The following APP variants were observed in gnomAD, a reference collection of about 807,000 sequenced individuals.
The protein encoded by APP is amyloid beta precursor protein.
Under a neutral mutation model 101.4 loss-of-function variants are expected in APP, and 31 were observed. That is an observed-to-expected ratio of 0.31 (90% CI 0.23 to 0.41). The LOEUF (loss-of-function observed/expected upper bound fraction) is 0.41. Among genes scored for constraint, APP ranks in the 10% least tolerant of loss-of-function variants. The probability of loss-of-function intolerance (pLI) is 1.00; values close to 1 mark genes in which losing one functional copy is unlikely to be tolerated. For missense variants in APP, 839 were observed against 1,003.7 expected, an observed-to-expected ratio of 0.84 and a Z score of 2.22; for synonymous variants, 366 against 364.4, an observed-to-expected ratio of 1.00 and a Z score of -0.05.
chr21:25,920,459 C>G (rs1218104621), intron 13 of APP, among the ~76,000 whole-genome samples: 2 of 152,220 alleles, frequency 1.3e-5, no homozygotes, highest in East Asian at 3.9e-4. Flanking sequence ...CAAGACCCAT[C>G]AGTGTGCTGT....
intron 5 of APP, among the ~76,000 whole-genome samples, chr21:26,043,831 G>GGT (rs11429340): frequency 2.5e-3 from 1 of 404 alleles, no homozygotes; most frequent in African/African-American, 0.012. Flanking sequence ...CTACTTGTGG[G>GGT]CTGATATTCT....
chr21:25,973,702 G>C (rs2042118296), intron 11 of APP, among the ~76,000 whole-genome samples: 1 of 152,078 alleles, frequency 6.6e-6, no homozygotes, highest in Non-Finnish European at 1.5e-5. Context: ...CAGCACTGTG[G>C]GAGGCCGAGG....
chr21:25,905,186 GT>G, intron 14 of APP, 109 bp from the exon 15 acceptor site: 1 of 940,652 alleles, frequency 1.1e-6, no homozygotes, highest in Non-Finnish European at 1.7e-6. Flanking sequence ...CAATAAACAA[GT>G]TACAAAAAAG....
At chr21:25,983,234 A>G (rs1388422842) in intron 8 of APP, among the ~76,000 whole-genome samples, 1 of 152,192 alleles carries the variant, frequency 6.6e-6, no homozygotes, top group Non-Finnish European at 1.5e-5. Context: ...TATACAAGCA[A>G]TTTTCCAAAA....
intron 1 of APP, among the ~76,000 whole-genome samples, chr21:26,151,692 CGGTTCACAATAG>C (rs2063273579): frequency 6.6e-6 from 1 of 152,112 alleles, no homozygotes; most frequent in Non-Finnish European, 1.5e-5. Flanking sequence ...TTCTTACATG[CGGTTCACAATAG>C]GGTTTGCGCT....
At chr21:25,969,918 A>AGGGGAAGGGAGGGGAGGGGAGGGGAC in intron 11 of APP, among the ~76,000 whole-genome samples, 1 of 2,340 alleles carries the variant, frequency 4.3e-4, no homozygotes, top group East Asian at 0.016. Context: ...GGGGAGGGGA[A>AGGGGAAGGGAGGGGAGGGGAGGGGAC]GAGAAAAGGA....
At chr21:26,011,034 GAC>G (rs1411354368) in intron 6 of APP, among the ~76,000 whole-genome samples, 13 of 151,542 alleles carry the variant, frequency 8.6e-5, no homozygotes, top group Non-Finnish European at 1.6e-4. Context: ...TGGGGGATGA[GAC>G]ACAGTATTGC....
intron 4 of APP, 93 bp downstream of exon 4, chr21:26,053,143 A>G (rs1213680636): frequency 2.1e-6 from 2 of 935,186 alleles, no homozygotes; most frequent in Admixed American, 1.7e-5. Context: ...ACTTATCAAC[A>G]TAGCTGTTGC....
chr21:26,028,484 A>T (rs2044680523), intron 5 of APP, among the ~76,000 whole-genome samples: 1 of 152,228 alleles, frequency 6.6e-6, no homozygotes, highest in South Asian at 2.1e-4. Context: ...GTGGAATAAG[A>T]AGTAAATAAA....
intron 6 of APP, among the ~76,000 whole-genome samples, chr21:26,008,559 C>A (rs897222035): frequency 6.6e-6 from 1 of 152,202 alleles, no homozygotes; most frequent in Non-Finnish European, 1.5e-5. Context: ...TGTATGCCAA[C>A]TGCCATGGTA....
chr21:26,132,008 T>C (rs2062807313), intron 1 of APP, among the ~76,000 whole-genome samples: 1 of 151,952 alleles, frequency 6.6e-6, no homozygotes, highest in Admixed American at 6.6e-5. Context: ...AGATGACAAA[T>C]GTGATACAAT....
At chr21:25,937,100 C>T (rs2040395619) in intron 13 of APP, among the ~76,000 whole-genome samples, 1 of 152,070 alleles carries the variant, frequency 6.6e-6, no homozygotes, top group South Asian at 2.1e-4. Context: ...CGCAAGTTCC[C>T]AAGTTCTTCC....
At chr21:25,912,266 G>C (rs1472549192) in intron 13 of APP, among the ~76,000 whole-genome samples, 1 of 152,210 alleles carries the variant, frequency 6.6e-6, no homozygotes. Context: ...AAAGGCCACA[G>C]GGGCTCAGCT....
intron 1 of APP, among the ~76,000 whole-genome samples, chr21:26,168,086 G>C (rs2063656883): frequency 6.6e-6 from 1 of 152,090 alleles, no homozygotes; most frequent in East Asian, 1.9e-4. Flanking sequence ...TTAAGAGGAA[G>C]CTAGATTTAA....
intron 8 of APP, among the ~76,000 whole-genome samples, chr21:25,992,531 G>C (rs1223714166): frequency 6.6e-6 from 1 of 152,140 alleles, no homozygotes; most frequent in Non-Finnish European, 1.5e-5. Flanking sequence ...TCCCATTTTA[G>C]AGAAGAGATA....
At chr21:26,109,254 T>C (rs1276429551) in intron 2 of APP, among the ~76,000 whole-genome samples, 2 of 152,246 alleles carry the variant, frequency 1.3e-5, no homozygotes, top group Non-Finnish European at 2.9e-5. Context: ...CCAAATCTCA[T>C]GTCGAATTGT....
intron 3 of APP, among the ~76,000 whole-genome samples, chr21:26,076,809 A>G (rs1265650487): frequency 6.6e-6 from 1 of 152,172 alleles, no homozygotes; most frequent in Non-Finnish European, 1.5e-5. Context: ...CACGCCTGTA[A>G]TCCCGGCACT....
intron 6 of APP, among the ~76,000 whole-genome samples, chr21:26,007,606 T>C (rs1164064538): frequency 1.3e-5 from 2 of 151,724 alleles, no homozygotes; most frequent in Non-Finnish European, 2.9e-5. Flanking sequence ...TAATTCTAAG[T>C]ATTACTACGT....
At chr21:26,160,148 C>G (rs1569047242) in intron 1 of APP, among the ~76,000 whole-genome samples, 1 of 152,176 alleles carries the variant, frequency 6.6e-6, no homozygotes, top group East Asian at 1.9e-4. Context: ...GGAAATCTCC[C>G]AGCTTCCCTC....
Sources: allele counts gnomAD v4.1 joint callset (sites outside exome capture counted in the v4.1 genomes callset), GRCh38; gene constraint gnomAD v4.1.1; transcripts MANE v1.5; gene names NCBI Gene and HGNC (gene_info 2026-07-23, HGNC 2026-07-21).